The following NOS1AP variants were observed in gnomAD, a reference collection of about 807,000 sequenced individuals.
NOS1AP encodes the protein carboxyl-terminal PDZ ligand of neuronal nitric oxide synthase protein.
In NOS1AP, 21 loss-of-function variants were observed where a neutral mutation model predicts 56.2. That is an observed-to-expected ratio of 0.37 (90% CI 0.26 to 0.54). The LOEUF (loss-of-function observed/expected upper bound fraction) is 0.54, where lower values mean the gene tolerates loss of function less well. Among genes scored for constraint, NOS1AP ranks in the 20% least tolerant of loss-of-function variants. NOS1AP has a pLI of 0.84. For synonymous variants in NOS1AP, 270 were observed against 274.6 expected (o/e 0.98, Z 0.17); for missense variants, 522 against 657.8 (o/e 0.79, Z 2.26).
At chr1:162,139,063 T>C (rs1262693190) in intron 1 of NOS1AP, among the ~76,000 whole-genome samples, 1 of 152,194 alleles carries the variant, frequency 6.6e-6, no homozygotes, top group Non-Finnish European at 1.5e-5. Flanking sequence ...GGTAAGCATC[T>C]GGCAGAAGGC....
chr1:162,224,716 A>G (rs1461289155), intron 2 of NOS1AP, among the ~76,000 whole-genome samples: 1 of 152,214 alleles, frequency 6.6e-6, no homozygotes, highest in African/African-American at 2.4e-5. Flanking sequence ...TATCCAGAGT[A>G]ACTTAGGGCA....
At chr1:162,360,996 T>G in intron 8 of NOS1AP, 1 of 449,672 alleles carries the variant, frequency 2.2e-6, no homozygotes, top group Non-Finnish European at 4.5e-6. Context: ...GTTTCAGAGT[T>G]TGGGAAAGCA....
chr1:162,353,953 A>G (rs1385575234), intron 6 of NOS1AP, among the ~76,000 whole-genome samples: 1 of 152,236 alleles, frequency 6.6e-6, no homozygotes, highest in Non-Finnish European at 1.5e-5. Flanking sequence ...CACTAGCTGC[A>G]GTCAGAACCA....
chr1:162,139,723 CT>C (rs1373147252), intron 1 of NOS1AP, among the ~76,000 whole-genome samples: 1 of 152,156 alleles, frequency 6.6e-6, no homozygotes, highest in African/African-American at 2.4e-5. Flanking sequence ...TTAAAAATAG[CT>C]TTTGTCAGAC....
In NOS1AP at chr1:162,154,437, C is replaced by T; in HGVS notation, c.138C>T (p.Asn46=). The change falls in exon 2 of 10, where the codon AAC becomes AAT. Residue 46 remains asparagine (N), a synonymous_variant. Coordinates refer to ENST00000361897, the MANE Select transcript of NOS1AP (RefSeq NM_014697.3). The part of the protein sequence containing the change: ...YVGSLDVPRP[N]SRVEIVAAMR... ...GAAGCCTGGACGTGCCAAGGCCCAA[C>T]AGCAGGGTGGAGATCGTGGCTGCCA... 6.2e-7 allele frequency: 1 copy of T among 1,614,164 alleles called. No homozygotes were observed. The highest frequency in any genetic ancestry group is 8.5e-7 in the Non-Finnish European group (1 of 1,180,022).
chr1:162,304,454 T>G (rs1655754165), intron 4 of NOS1AP, among the ~76,000 whole-genome samples: 1 of 152,190 alleles, frequency 6.6e-6, no homozygotes, highest in Non-Finnish European at 1.5e-5. Context: ...TTCTTTCTTT[T>G]TTAAAAAAGT....
intron 1 of NOS1AP, among the ~76,000 whole-genome samples, chr1:162,117,251 G>A (rs1410867970): frequency 3.3e-5 from 5 of 152,114 alleles, no homozygotes; most frequent in Admixed American, 3.3e-4. Context: ...CCATACATTG[G>A]TCCTGTCTTT....
intron 2 of NOS1AP, among the ~76,000 whole-genome samples, chr1:162,218,452 G>A (rs918489326): frequency 1.3e-5 from 2 of 152,186 alleles, no homozygotes; most frequent in African/African-American, 4.8e-5. Context: ...AGCAATCGCA[G>A]TAAGGGTTTT....
chr1:162,253,612 C>T (rs1653936560), intron 2 of NOS1AP, among the ~76,000 whole-genome samples: 2 of 152,160 alleles, frequency 1.3e-5, no homozygotes, highest in Admixed American at 1.3e-4. Context: ...AAGCATTCCC[C>T]ATAATCCTAG....
intron 1 of NOS1AP, among the ~76,000 whole-genome samples, chr1:162,148,894 T>C (rs902336371): frequency 1.3e-5 from 2 of 151,622 alleles, no homozygotes; most frequent in Non-Finnish European, 2.9e-5. Context: ...GGGGAGAGAA[T>C]TGGGAGGTCC....
At chr1:162,260,101 A>G (rs981114232) in intron 2 of NOS1AP, among the ~76,000 whole-genome samples, 2 of 152,144 alleles carry the variant, frequency 1.3e-5, no homozygotes, top group Non-Finnish European at 2.9e-5. Context: ...AGAGTGCCAT[A>G]TATCAAGGCA....
intron 4 of NOS1AP, among the ~76,000 whole-genome samples, chr1:162,316,149 A>C (rs2101773135): frequency 6.6e-6 from 1 of 152,372 alleles, no homozygotes; most frequent in South Asian, 2.1e-4. Context: ...CTATATAAAA[A>C]AAGTGTGTTG....
chr1:162,195,574 TC>T (rs1651777771), intron 2 of NOS1AP, among the ~76,000 whole-genome samples: 1 of 152,334 alleles, frequency 6.6e-6, no homozygotes, highest in African/African-American at 2.4e-5. Context: ...ATGCTCATCC[TC>T]TACTTCATGC....
In NOS1AP at chr1:162,340,880, T is replaced by A. The variant is rs971137704; in HGVS notation, c.454-2955T>A. Among the ~76,000 whole-genome samples the A allele has an allele frequency of 3.3e-5, 5 of 152,212 alleles. No individual in the cohort carries two copies. The East Asian group carries it at 5.8e-4, about 18-fold the overall frequency. On this transcript the variant is annotated intron_variant, in intron 5 of 9. Coordinates refer to ENST00000361897, the MANE Select transcript of NOS1AP (RefSeq NM_014697.3). ...AACCAGCCTACTTCCTTACAGCCACTTTGGGCTTATAGATGGTTGAATATG... is the reference window on the plus strand; with the variant it reads ...AACCAGCCTACTTCCTTACAGCCACATTGGGCTTATAGATGGTTGAATATG...
At chr1:162,294,340 A>G (rs554264015) in intron 3 of NOS1AP, among the ~76,000 whole-genome samples, 73 of 152,274 alleles carry the variant, frequency 4.8e-4, no homozygotes, top group African/African-American at 1.7e-3. Flanking sequence ...GGATCCCCAC[A>G]TCTCCCAGGG....
chr1:162,260,181 G>A (rs996416447), intron 2 of NOS1AP, among the ~76,000 whole-genome samples: 2 of 152,034 alleles, frequency 1.3e-5, no homozygotes, highest in East Asian at 1.9e-4. Context: ...AAATATATAC[G>A]ACTGAGAGGG....
At chr1:162,102,283 C>A (rs1571011591) in intron 1 of NOS1AP, among the ~76,000 whole-genome samples, 1 of 152,336 alleles carries the variant, frequency 6.6e-6, no homozygotes, top group Middle Eastern at 3.4e-3. Context: ...AATCTTGCAT[C>A]CCAGGGAGGA....
intron 4 of NOS1AP, among the ~76,000 whole-genome samples, chr1:162,319,960 C>G (rs1239197070): frequency 6.6e-6 from 1 of 152,224 alleles, no homozygotes; most frequent in Admixed American, 6.5e-5. Flanking sequence ...AGTCACAGCT[C>G]AGGCAGCAGC....
At position 162,357,282 on chromosome 1, in the gene NOS1AP, G is replaced by C. The variant is rs958179991; in HGVS notation, c.939+146G>C. ...ATTGGATCATTGCTTGTTGGGGAGT[G>C]GGGGCAGCGGGAGGGGGATAGATGG... On this transcript the variant is annotated intron_variant, in intron 8 of 9. Coordinates refer to ENST00000361897, the MANE Select transcript of NOS1AP (RefSeq NM_014697.3). 5.6e-6 allele frequency: 8 copies of C among 1,433,252 alleles called. No homozygotes were observed. In the Admixed American group the frequency reaches 1.4e-4, roughly 25 times the overall value. 88.8% of individuals were successfully genotyped at this position (1,433,252 alleles called of 1,614,324 possible). A position where few individuals can be genotyped will look rare whatever the true frequency, so the allele number is the denominator to read the frequency against.
Sources: gnomAD v4.1 joint callset for allele counts (sites outside exome capture counted in the v4.1 genomes callset) on GRCh38, gnomAD v4.1.1 for gene constraint, MANE v1.5 for transcripts, NCBI Gene and HGNC (gene_info 2026-07-23, HGNC 2026-07-21) for gene names.